The following NCKAP5 variants were observed in gnomAD, a reference collection of about 807,000 sequenced individuals.
NCKAP5 encodes nck-associated protein 5.
NCKAP5 carries 92 observed loss-of-function variants against 167.0 expected under a neutral mutation model. That is an observed-to-expected ratio of 0.55 (90% CI 0.47 to 0.66). NCKAP5 has a LOEUF of 0.66. NCKAP5 is among the 30% of genes least tolerant of loss of function. The pLI is 0.00. For synonymous variants in NCKAP5, 891 were observed against 877.4 expected (o/e 1.02, Z -0.27); for missense variants, 2,378 against 2,315.0 (o/e 1.03, Z -0.56).
intron 3 of NCKAP5, among the ~76,000 whole-genome samples, chr2:133,492,814 T>C (rs932880290): frequency 2.6e-5 from 4 of 152,194 alleles, no homozygotes; most frequent in African/African-American, 7.2e-5. Context: ...AAGGAATTCA[T>C]AGACTCAGTG....
In NCKAP5 at chr2:133,138,151, A is replaced by C. The variant is rs928227695; in HGVS notation, c.208-8040T>G. 1.1e-4 allele frequency among the ~76,000 whole-genome samples: 16 copies of C among 152,326 alleles called. No homozygotes were observed. In the South Asian group the frequency reaches 2.5e-3, roughly 24 times the overall value. On this transcript the variant is annotated intron_variant, in intron 5 of 19. Transcript: ENST00000409261. ...GTGTGCATAGGCATCTATCAAAGGC[A>C]AAAAGGAAAAAAAGGAGAAAAAGAA...
At chr2:133,390,248 G>C (rs892530615) in intron 3 of NCKAP5, among the ~76,000 whole-genome samples, 10 of 152,200 alleles carry the variant, frequency 6.6e-5, no homozygotes, top group African/African-American at 2.2e-4. Flanking sequence ...CCTAAGACAA[G>C]AAAGACTCCT....
At chr2:132,819,665 A>AT (rs752370650) in intron 11 of NCKAP5, among the ~76,000 whole-genome samples, 351 of 145,822 alleles carry the variant, frequency 2.4e-3, no homozygotes, top group African/African-American at 6.7e-3. Context: ...TTTTCATTAG[A>AT]TTTTTTTTTT....
At chr2:133,059,501 T>A (rs1559097763) in intron 6 of NCKAP5, among the ~76,000 whole-genome samples, 1 of 151,466 alleles carries the variant, frequency 6.6e-6, no homozygotes, top group Admixed American at 6.6e-5. Flanking sequence ...TGGGACCCTA[T>A]CTCTACAAAA....
At chr2:133,057,806 C>T (rs1016868993) in intron 6 of NCKAP5, among the ~76,000 whole-genome samples, 5 of 152,206 alleles carry the variant, frequency 3.3e-5, no homozygotes, top group African/African-American at 1.2e-4. Flanking sequence ...GATGACTACA[C>T]TAAACAATAG....
chr2:133,673,680 T>C, the NCKAP5 span, among the ~76,000 whole-genome samples: 1 of 152,236 alleles, frequency 6.6e-6, no homozygotes, highest in Non-Finnish European at 1.5e-5. Context: ...CTTCTGGGCC[T>C]ACCACCGTTT....
At chr2:133,317,690 GC>G (rs1416555689) in intron 3 of NCKAP5, among the ~76,000 whole-genome samples, 1 of 152,116 alleles carries the variant, frequency 6.6e-6, no homozygotes, top group African/African-American at 2.4e-5. Flanking sequence ...ACTTGAACTT[GC>G]CCAACATCCT....
chr2:133,420,517 C>T (rs1689406268), intron 3 of NCKAP5, among the ~76,000 whole-genome samples: 1 of 152,120 alleles, frequency 6.6e-6, no homozygotes, highest in African/African-American at 2.4e-5. Flanking sequence ...ATGAAAACAA[C>T]CTAAACTGGA....
chr2:132,693,201 C>T (rs1055167350), intron 19 of NCKAP5, among the ~76,000 whole-genome samples: 5 of 152,164 alleles, frequency 3.3e-5, no homozygotes, highest in Admixed American at 1.3e-4. Flanking sequence ...ATGGGTTGAA[C>T]TAGGTCCCCT....
chr2:132,712,127 C>T (rs1197759853), intron 19 of NCKAP5, among the ~76,000 whole-genome samples: 1 of 152,138 alleles, frequency 6.6e-6, no homozygotes, highest in Non-Finnish European at 1.5e-5. Context: ...TATCAATTAC[C>T]CTCACAGAAC....
intron 3 of NCKAP5, among the ~76,000 whole-genome samples, chr2:133,452,068 A>G (rs542571149): frequency 6.6e-6 from 1 of 152,282 alleles, no homozygotes; most frequent in African/African-American, 2.4e-5. Flanking sequence ...CCCCTGAAAC[A>G]GCTTACCAGC....
chr2:132,678,958 T>C (rs1490100380), intron 19 of NCKAP5, among the ~76,000 whole-genome samples: 9 of 152,180 alleles, frequency 5.9e-5, no homozygotes, highest in Admixed American at 4.6e-4. Flanking sequence ...GACTCTAAAA[T>C]ATTCTTAATT....
chr2:133,122,885 TTAAAAAGCA>T (rs760861272), intron 6 of NCKAP5: 2 of 152,152 alleles, frequency 1.3e-5, no homozygotes, highest in Non-Finnish European at 2.9e-5. Context: ...GCAGGGCCTT[TTAAAAAGCA>T]TAAAAAGCAT....
intron 6 of NCKAP5, among the ~76,000 whole-genome samples, chr2:133,099,822 C>T (rs1176710236): frequency 6.6e-6 from 1 of 152,184 alleles, no homozygotes; most frequent in Admixed American, 6.5e-5. Flanking sequence ...CCAAGTATGG[C>T]CTGCAAGCCA....
intron 3 of NCKAP5, among the ~76,000 whole-genome samples, chr2:133,331,237 G>T (rs139923367): frequency 1.1e-4 from 17 of 152,194 alleles, no homozygotes; most frequent in African/African-American, 3.9e-4. Context: ...TTTGTTGGCA[G>T]GTTTTAATAG....
chr2:132,935,828 C>A (rs1050394100), intron 8 of NCKAP5, among the ~76,000 whole-genome samples: 3 of 152,084 alleles, frequency 2.0e-5, no homozygotes, highest in African/African-American at 7.2e-5. Flanking sequence ...ACAAGCTACA[C>A]ATGATGTGGT....
At chr2:133,079,896 G>A (rs960937943) in intron 6 of NCKAP5, among the ~76,000 whole-genome samples, 2 of 152,032 alleles carry the variant, frequency 1.3e-5, no homozygotes, top group African/African-American at 4.8e-5. Context: ...TCAGAATTTA[G>A]CTGTTCCCCA....
chr2:133,447,271 A>C (rs1294434409), intron 3 of NCKAP5, among the ~76,000 whole-genome samples: 1 of 152,140 alleles, frequency 6.6e-6, no homozygotes, highest in Non-Finnish European at 1.5e-5. Context: ...TATCTTACTG[A>C]GCTACATGCA....
intron 19 of NCKAP5, among the ~76,000 whole-genome samples, chr2:132,690,238 T>TAA (rs1686544044): frequency 6.6e-6 from 1 of 152,108 alleles, no homozygotes; most frequent in Non-Finnish European, 1.5e-5. Context: ...GCGTGAGAGA[T>TAA]AAATTGGTGT....
Sources: gnomAD v4.1 joint callset for allele counts (sites outside exome capture counted in the v4.1 genomes callset) on GRCh38, gnomAD v4.1.1 for gene constraint, MANE v1.5 for transcripts, NCBI Gene and HGNC (gene_info 2026-07-23, HGNC 2026-07-21) for gene names.